DUT: variants seen among roughly 807,000 people sequenced by gnomAD.
The protein encoded by DUT is deoxyuridine 5'-triphosphate nucleotidohydrolase, mitochondrial.
In DUT, 21 loss-of-function variants were observed where a neutral mutation model predicts 28.8. The ratio of observed to expected loss-of-function variants is 0.73; its 90% CI spans 0.52 to 1.05. The LOEUF (loss-of-function observed/expected upper bound fraction) is 1.05, where lower values mean the gene tolerates loss of function less well. DUT is among the 50% of genes least tolerant of loss of function. DUT has a pLI of 0.00. For missense variants in DUT, 344 were observed against 351.8 expected (o/e 0.98, Z 0.18); for synonymous variants, 147 against 143.7 (o/e 1.02, Z -0.17).
chr15:48,334,381 T>C (rs774594062), intron 2 of DUT, 36 bp from the exon 3 acceptor site: 9 of 1,343,816 alleles, frequency 6.7e-6, no homozygotes, highest in Non-Finnish European at 8.2e-6. Flanking sequence ...ATTTTATAAA[T>C]AGATTTGCAG....
chr15:48,333,865 C>T (rs1375751558), intron 2 of DUT, among the ~76,000 whole-genome samples: 1 of 152,168 alleles, frequency 6.6e-6, no homozygotes, highest in Non-Finnish European at 1.5e-5. Flanking sequence ...TTCTCCTTTC[C>T]TTCTGCATAT....
chr15:48,341,414 G>A (rs766612295), intron 5 of DUT, 51 bp downstream of exon 5: 1 of 1,552,868 alleles, frequency 6.4e-7, no homozygotes, highest in Non-Finnish European at 8.9e-7. Context: ...TCAGAGTCAT[G>A]TATGTGTAAA....
At position 48,332,275 on chromosome 15, in the gene DUT, C is replaced by T. The variant is rs11549424; in HGVS notation, c.288C>T (p.Pro96=). ...CCATGCCCTGCTCTGAAGAGACACC[C>T]GCCATTTCACCCAGTAAGCGGGCCC... is the stretch of plus-strand genomic sequence containing the variant. The part of the protein sequence containing the change: ...GGSPAPGPET[P]AISPSKRARP... Residue 96 remains proline, a synonymous_variant, in exon 2 of 7, where the codon CCC becomes CCT. Transcript: ENST00000331200. The T allele has an allele frequency of 9.3e-6, 15 of 1,608,636 alleles. No homozygotes were observed. The highest frequency in any genetic ancestry group is 1.3e-5 in the African/African-American group (1 of 74,196).
At chr15:48,341,175 T>C (rs900855256) in intron 4 of DUT, 114 bp from the exon 5 acceptor site, 3 of 644,068 alleles carry the variant, frequency 4.7e-6, no homozygotes, top group South Asian at 2.2e-5. Context: ...GATTCACTTA[T>C]TCAATTGTAA....
intron 2 of DUT, among the ~76,000 whole-genome samples, chr15:48,333,063 C>T (rs1032196382): frequency 2.0e-5 from 3 of 150,638 alleles, no homozygotes; most frequent in African/African-American, 7.3e-5. Flanking sequence ...TTTTTTATCC[C>T]GAATTTTGGG....
chr15:48,332,238 C>A (rs749060477), intron 1 of DUT, 30 bp from the exon 2 acceptor site: 5 of 1,578,706 alleles, frequency 3.2e-6, no homozygotes, highest in Admixed American at 1.8e-5. Context: ...CCTCGCTCGC[C>A]TTCTGGCTCT....
intron 2 of DUT, chr15:48,332,852 A>T: frequency 2.2e-6 from 1 of 447,864 alleles, no homozygotes; most frequent in East Asian, 6.9e-5. Flanking sequence ...TTGAGAAGGC[A>T]TCTGAAAACG....
intron 4 of DUT, among the ~76,000 whole-genome samples, chr15:48,337,676 A>G (rs893873863): frequency 1.3e-5 from 2 of 152,210 alleles, no homozygotes; most frequent in Non-Finnish European, 2.9e-5. Flanking sequence ...AAAAAAATTC[A>G]TGTAAAAGAA....
upstream of DUT, chr15:48,331,249 C>T (rs1326098530): frequency 1.4e-6 from 2 of 1,473,130 alleles, no homozygotes; most frequent in Non-Finnish European, 1.8e-6. Context: ...AAAATGGGGG[C>T]CAGAGCAAAC....
At chr15:48,334,686 T>A (rs1258323891) in intron 3 of DUT, among the ~76,000 whole-genome samples, 178 bp downstream of exon 3, 3 of 152,224 alleles carry the variant, frequency 2.0e-5, no homozygotes, top group Non-Finnish European at 2.9e-5. Context: ...GCTTTGCCTC[T>A]TTTTGACCCT....
intron 2 of DUT, among the ~76,000 whole-genome samples, chr15:48,333,999 G>A (rs2042447332): frequency 6.6e-6 from 1 of 152,124 alleles, no homozygotes; most frequent in Non-Finnish European, 1.5e-5. Flanking sequence ...GTAGTATTTG[G>A]CCTTTTTTCT....
chr15:48,332,508 A>G (rs2042429696), intron 2 of DUT, 102 bp downstream of exon 2: 1 of 1,061,564 alleles, frequency 9.4e-7, no homozygotes, highest in Admixed American at 2.7e-5. Context: ...ACTAGCTATA[A>G]ATAGGATTTC....
intron 3 of DUT, among the ~76,000 whole-genome samples, chr15:48,334,980 C>T (rs1007703054): frequency 2.0e-5 from 3 of 152,154 alleles, no homozygotes; most frequent in Non-Finnish European, 2.9e-5. Context: ...TTTGCAAGAG[C>T]GTAAGTTCTT....
chr15:48,341,431 T>C (rs755329241), intron 5 of DUT, 68 bp downstream of exon 5: 6 of 1,534,822 alleles, frequency 3.9e-6, no homozygotes, highest in Non-Finnish European at 5.4e-6. Flanking sequence ...TAAATTAATA[T>C]TGACTCCTTT....
At chr15:48,331,836 A>G in intron 1 of DUT, 41 bp downstream of exon 1, 1 of 1,081,986 alleles carries the variant, frequency 9.2e-7, no homozygotes, top group East Asian at 1.1e-4. Flanking sequence ...TCTGGAAGGA[A>G]TCCACGCGGC....
At chr15:48,341,889 C>T in intron 6 of DUT, 133 bp from the exon 7 acceptor site, 2 of 717,958 alleles carry the variant, frequency 2.8e-6, no homozygotes, top group Non-Finnish European at 2.3e-6. Context: ...AATTTTCTTT[C>T]TGTAATCTCC....
At chr15:48,340,314 G>T (rs984137900) in intron 4 of DUT, 2 of 152,060 alleles carry the variant, frequency 1.3e-5, no homozygotes, top group Non-Finnish European at 2.9e-5. Flanking sequence ...TGCTAATAAG[G>T]TAGGGGATTT....
At chr15:48,335,544 T>C (rs2042466591) in intron 3 of DUT, among the ~76,000 whole-genome samples, 1 of 152,184 alleles carries the variant, frequency 6.6e-6, no homozygotes, top group African/African-American at 2.4e-5. Flanking sequence ...GGTCTGCTAC[T>C]ATTTGGTTAG....
At chr15:48,339,966 A>C (rs745699062) in intron 4 of DUT, among the ~76,000 whole-genome samples, 4 of 152,152 alleles carry the variant, frequency 2.6e-5, no homozygotes, top group Non-Finnish European at 4.4e-5. Flanking sequence ...ATATGAGAAA[A>C]TTGAAAGGAT....
Sources: allele counts gnomAD v4.1 joint callset (sites outside exome capture counted in the v4.1 genomes callset), GRCh38; gene constraint gnomAD v4.1.1; transcripts MANE v1.5; gene names NCBI Gene and HGNC (gene_info 2026-07-23, HGNC 2026-07-21).